The following EMILIN2 variants were observed in gnomAD, a reference collection of about 807,000 sequenced individuals.
EMILIN2 encodes EMILIN-2.
In EMILIN2, 71 loss-of-function variants were observed where a neutral mutation model predicts 87.1. That is an observed-to-expected ratio of 0.82 (90% CI 0.67 to 0.99). EMILIN2 has a LOEUF of 0.99. Ranked by LOEUF, EMILIN2 falls within the 50% of genes least tolerant of loss-of-function variation. The probability of loss-of-function intolerance (pLI) is 0.00; values close to 1 mark genes in which losing one functional copy is unlikely to be tolerated. For missense variants in EMILIN2, 1,407 were observed against 1,371.8 expected (o/e 1.03, Z -0.40); for synonymous variants, 581 against 563.4 (o/e 1.03, Z -0.44).
At chr18:2,857,190 G>A (rs1380433561) in intron 2 of EMILIN2, among the ~76,000 whole-genome samples, 1 of 152,178 alleles carries the variant, frequency 6.6e-6, no homozygotes, top group East Asian at 1.9e-4. Context: ...ATTTTATTAT[G>A]TGTTTGGTTA....
chr18:2,868,495 G>A (rs891102384), intron 2 of EMILIN2, among the ~76,000 whole-genome samples: 7 of 152,266 alleles, frequency 4.6e-5, no homozygotes, highest in African/African-American at 1.4e-4. Context: ...CTGCACTCCA[G>A]CCTGGGCACC....
Position 2,847,871 on chromosome 18 carries a change from GT to G in EMILIN2, c.201del (p.Phe67LeufsTer23). The G allele has an allele frequency of 1.2e-6, 2 of 1,613,412 alleles. No individual in the cohort carries two copies. Among genetic ancestry groups the G allele is most frequent in the Non-Finnish European group, 1.7e-6 (2 of 1,179,692 alleles). ...TGCTCCGTGCTGGAGGGAAGTGAGA[GT>G]TTTATTCAGGCTCAGTACAACTGTG... ...VSCSVLEGSE[S>X]FIQAQYNCAW... On this transcript the variant is annotated frameshift_variant, in exon 2 of 8. Transcript: ENST00000254528. LOFTEE classifies it high-confidence loss of function. This position sits in a 1 kb window ranked among gnomAD's most constrained non-coding sequence, Gnocchi z 4.5.
At chr18:2,868,306 C>T (rs1399787697) in intron 2 of EMILIN2, among the ~76,000 whole-genome samples, 4 of 152,064 alleles carry the variant, frequency 2.6e-5, no homozygotes, top group African/African-American at 7.2e-5. Context: ...GCGCTCCTCA[C>T]TTTCCAGACT....
chr18:2,879,578 T>C (rs1465158025), intron 2 of EMILIN2, among the ~76,000 whole-genome samples: 2 of 151,884 alleles, frequency 1.3e-5, no homozygotes, highest in Non-Finnish European at 2.9e-5. Flanking sequence ...GGAGAATCGC[T>C]TGAGCCCAGG....
intron 3 of EMILIN2, among the ~76,000 whole-genome samples, chr18:2,885,799 T>C (rs1598496773): frequency 1.3e-5 from 2 of 152,216 alleles, no homozygotes; most frequent in South Asian, 4.1e-4. Flanking sequence ...ATTACAGGCG[T>C]GAGCCACTGT....
Position 2,847,373 on chromosome 18 carries a change from C to A in EMILIN2, c.134+51C>A. On this transcript the variant is annotated intron_variant, in intron 1 of 7. Coordinates refer to ENST00000254528, the MANE Select transcript of EMILIN2 (RefSeq NM_032048.3). This position sits in a 1 kb window ranked among gnomAD's most constrained non-coding sequence, Gnocchi z 4.5. ...CCAAACCGCCTACCCCTCCCCGGCC[C>A]CCAGTTGAGCCCCAGAGCTGCCCTG... 1.6e-6 allele frequency: 2 copies of A among 1,266,676 alleles called. No individual in the cohort carries two copies. The highest frequency in any genetic ancestry group is 2.0e-6 in the Non-Finnish European group (2 of 1,003,922). The allele number at this position is 1,266,676 out of a possible 1,614,324, so 78.5% of individuals were successfully genotyped here.
upstream of EMILIN2, chr18:2,846,652 C>T (rs1307583729): frequency 1.7e-6 from 1 of 596,672 alleles, no homozygotes; most frequent in African/African-American, 2.0e-5. The surrounding 1 kb of genome is among the most constrained non-coding windows in gnomAD (Gnocchi z 5.3). Flanking sequence ...CCTCATTCGC[C>T]CCGGGAGGCT....
chr18:2,878,497 G>GAA (rs879432468), intron 2 of EMILIN2, among the ~76,000 whole-genome samples: 5 of 139,930 alleles, frequency 3.6e-5, no homozygotes, highest in African/African-American at 1.3e-4. Context: ...CTCAAGGAAG[G>GAA]AAAAAAAAAA....
chr18:2,891,636 C>G lies in EMILIN2; in HGVS notation c.1509C>G (p.Ser503Arg), dbSNP rs760539109. 4 of 1,614,026 alleles carry G rather than the reference C, an allele frequency of 2.5e-6. No homozygotes were observed. The highest frequency in any genetic ancestry group is 3.4e-6 in the Non-Finnish European group (4 of 1,180,022). The change falls in exon 4 of 8, where the codon AGC (serine) becomes AGG (arginine). Residue 503 changes from serine (S) to arginine (R), a missense_variant. Coordinates refer to ENST00000254528, the MANE Select transcript of EMILIN2 (RefSeq NM_032048.3). This position sits in a 1 kb window ranked among gnomAD's most constrained non-coding sequence, Gnocchi z 4.6. ...KIQSLEDRLGSVLLQMTNNTG... is the reference protein window; with the variant it reads ...KIQSLEDRLGRVLLQMTNNTG... ...AGTCTCTGGAAGACCGTCTGGGGAG[C>G]GTTCTCCTACAGATGACCAATAACA...
Position 2,891,553 on chromosome 18 carries a change from C to A in EMILIN2, c.1426C>A (p.Arg476=). 3.1e-6 allele frequency: 5 copies of A among 1,614,060 alleles called. No homozygotes were observed. The highest frequency in any genetic ancestry group is 4.2e-6 in the Non-Finnish European group (5 of 1,180,030). The stretch of plus-strand genomic sequence containing the variant: ...TTGCTTTTACATTGAGGAAACCCTT[C>A]GGGGCGCCATTAATGGAGAGGTGGG... ...EHCFYIEETL[R]GAINGEVGDL... Residue 476 remains arginine, a synonymous_variant, in exon 4 of 8, where the codon CGG becomes AGG. Coordinates refer to ENST00000254528, the MANE Select transcript of EMILIN2 (RefSeq NM_032048.3). This position sits in a 1 kb window ranked among gnomAD's most constrained non-coding sequence, Gnocchi z 4.6.
At position 2,891,693 on chromosome 18, in the gene EMILIN2, A is replaced by C. The variant is rs1269889296; in HGVS notation, c.1566A>C (p.Ala522=). Residue 522 remains alanine, a synonymous_variant, in exon 4 of 8, where the codon GCA becomes GCC. Coordinates refer to ENST00000254528, the MANE Select transcript of EMILIN2 (RefSeq NM_032048.3). This position sits in a 1 kb window ranked among gnomAD's most constrained non-coding sequence, Gnocchi z 4.6. ...CAGAGCTCAGTCCCCCAGGGGCAGC[A>C]GCCCTGCCAGGAGTGTCAGGGTCAG... is the stretch of plus-strand genomic sequence containing the variant. ...TGAELSPPGA[A]ALPGVSGSGD... The C allele has an allele frequency of 6.2e-7, 1 of 1,614,028 alleles. No homozygotes were observed. The highest frequency in any genetic ancestry group is 8.5e-7 in the Non-Finnish European group (1 of 1,180,032).
chr18:2,854,487 A>AAC (rs141620167), intron 2 of EMILIN2, among the ~76,000 whole-genome samples: 2,352 of 151,788 alleles, frequency 0.015, 69 homozygotes, highest in African/African-American at 0.053. Flanking sequence ...TGTGGCTTAA[A>AAC]ACACACACAC....
intron 3 of EMILIN2, among the ~76,000 whole-genome samples, chr18:2,889,133 C>CTTTTTTTTTTTTTTTTTTTTTTTT (rs772439545): frequency 1.1e-4 from 9 of 84,314 alleles, no homozygotes; most frequent in African/African-American, 2.0e-4. Context: ...TCTTTCTTTT[C>CTTTTTTTTTTTTTTTTTTTTTTTT]TTTTTTTTTT....
intron 6 of EMILIN2, 23 bp downstream of exon 6, chr18:2,908,998 A>T: frequency 6.2e-7 from 1 of 1,612,960 alleles, no homozygotes; most frequent in Non-Finnish European, 8.5e-7. Context: ...AGAGACCAGG[A>T]GCAGGAGGAG....
At chr18:2,863,841 T>A (rs1280190574) in intron 2 of EMILIN2, among the ~76,000 whole-genome samples, 3 of 152,164 alleles carry the variant, frequency 2.0e-5, no homozygotes, top group Non-Finnish European at 2.9e-5. Flanking sequence ...CCCATTATTA[T>A]TGTGTGGGAG....
intron 2 of EMILIN2, among the ~76,000 whole-genome samples, chr18:2,881,383 C>T (rs759971017): frequency 2.2e-4 from 33 of 152,048 alleles, no homozygotes; most frequent in Admixed American, 7.2e-4. Flanking sequence ...AGATTAGACG[C>T]GGAGCAGGAG....
rs769563025 is a variant in EMILIN2, at chr18:2,890,549, T to C, written c.434-12T>C. On this transcript the variant is annotated splice_polypyrimidine_tract_variant and intron_variant, in intron 3 of 7. Transcript: ENST00000254528. The surrounding 1 kb of genome is among the most constrained non-coding windows in gnomAD (Gnocchi z 4.7). ...AAATGTTCATTCATGTCCAACTTTATCTTTGTAACAGATAATGAACCCAGC... is the reference window on the plus strand; with the variant it reads ...AAATGTTCATTCATGTCCAACTTTACCTTTGTAACAGATAATGAACCCAGC... 5.9e-6 allele frequency: 9 copies of C among 1,536,666 alleles called. No individual in the cohort carries two copies. In the African/African-American group the frequency reaches 1.2e-4, roughly 21 times the overall value.
chr18:2,900,364 T>C lies in EMILIN2; in HGVS notation c.2360-6419T>C, dbSNP rs578150659. On this transcript the variant is annotated intron_variant, in intron 4 of 7. Transcript: ENST00000254528. The stretch of plus-strand genomic sequence containing the variant: ...TACCATGCCCAGCTACTTTTTAAAA[T>C]TTTTTGTCGAGACAGAGTCTGGCTA... 7.9e-5 allele frequency among the ~76,000 whole-genome samples: 12 copies of C among 152,168 alleles called. No individual in the cohort carries two copies. In the East Asian group the frequency reaches 2.1e-3, roughly 27 times the overall value.
intron 2 of EMILIN2, 84 bp from the exon 3 acceptor site, chr18:2,884,878 CCT>C: frequency 6.9e-7 from 1 of 1,443,242 alleles, no homozygotes; most frequent in Middle Eastern, 2.0e-4. Flanking sequence ...TCCTGCATGC[CCT>C]GAGTCCTCTT....
Sources: allele counts gnomAD v4.1 joint callset (sites outside exome capture counted in the v4.1 genomes callset), GRCh38; gene constraint gnomAD v4.1.1; non-coding constraint Gnocchi (gnomAD v3.1); transcripts MANE v1.5; gene names NCBI Gene and HGNC (gene_info 2026-07-23, HGNC 2026-07-21).